PTPN13: variants seen among roughly 807,000 people sequenced by gnomAD.
The protein encoded by PTPN13 is tyrosine-protein phosphatase non-receptor type 13.
In PTPN13, 191 loss-of-function variants were observed where a neutral mutation model predicts 284.0. The ratio of observed to expected loss-of-function variants is 0.67; its 90% CI spans 0.60 to 0.76. The LOEUF (loss-of-function observed/expected upper bound fraction) is 0.76, where lower values mean the gene tolerates loss of function less well. Among genes scored for constraint, PTPN13 ranks in the 30% least tolerant of loss-of-function variants. PTPN13 has a pLI of 0.00. For synonymous variants in PTPN13, 986 were observed against 1,022.3 expected (o/e 0.96, Z 0.68); for missense variants, 2,797 against 2,939.9 (o/e 0.95, Z 1.12).
At chr4:86,645,086 G>T (rs1367079930) in intron 2 of PTPN13, among the ~76,000 whole-genome samples, 12 of 151,988 alleles carry the variant, frequency 7.9e-5, no homozygotes, top group Admixed American at 7.2e-4. Context: ...ACATATACCT[G>T]TAGTCCCAGC....
intron 18 of PTPN13, 69 bp from the exon 19 acceptor site, chr4:86,750,958 A>T: frequency 1.3e-6 from 2 of 1,562,582 alleles, no homozygotes; most frequent in Non-Finnish European, 1.7e-6. Flanking sequence ...TTTTGTTATG[A>T]CATTTTATTA....
intron 2 of PTPN13, among the ~76,000 whole-genome samples, chr4:86,644,020 T>C (rs1246350250): frequency 6.6e-6 from 1 of 152,158 alleles, no homozygotes; most frequent in Admixed American, 6.5e-5. Flanking sequence ...ATGAACAAAG[T>C]TGTTGAAGTA....
intron 1 of PTPN13, among the ~76,000 whole-genome samples, chr4:86,619,770 T>A (rs1308200109): frequency 6.6e-6 from 1 of 151,952 alleles, no homozygotes; most frequent in Non-Finnish European, 1.5e-5. Flanking sequence ...TTTTCTTTTT[T>A]TTTTTCCCCC....
chr4:86,790,667 G>C (rs1339120547), intron 40 of PTPN13, among the ~76,000 whole-genome samples: 8 of 152,146 alleles, frequency 5.3e-5, no homozygotes, highest in Admixed American at 5.2e-4. Context: ...GAAGGGCTTT[G>C]TGGTAGGAAG....
At chr4:86,766,347 C>T in intron 26 of PTPN13, 85 bp from the exon 27 acceptor site, 2 of 1,126,066 alleles carry the variant, frequency 1.8e-6, no homozygotes, top group Non-Finnish European at 2.5e-6. Context: ...AGTCCCTCCT[C>T]AAACAAATGA....
intron 3 of PTPN13, among the ~76,000 whole-genome samples, chr4:86,683,015 G>A (rs529044893): frequency 1.3e-5 from 2 of 152,132 alleles, no homozygotes; most frequent in African/African-American, 2.4e-5. Context: ...TACTAAAAGT[G>A]TGGAACCCAT....
intron 20 of PTPN13, among the ~76,000 whole-genome samples, chr4:86,757,044 G>T (rs903425213): frequency 2.0e-5 from 3 of 152,138 alleles, no homozygotes; most frequent in African/African-American, 7.2e-5. Flanking sequence ...AGACCAATTT[G>T]AACTGTCATT....
chr4:86,765,222 T>TA (rs1351725771), intron 25 of PTPN13, among the ~76,000 whole-genome samples, 173 bp from the exon 26 acceptor site: 1 of 152,220 alleles, frequency 6.6e-6, no homozygotes, highest in Non-Finnish European at 1.5e-5. Context: ...ATTTTTGAAT[T>TA]ATACTGATGA....
rs1179504915 is a variant in PTPN13, at chr4:86,660,567, G to T, written c.116-11798G>T. On this transcript the variant is annotated intron_variant, in intron 2 of 47. Transcript: ENST00000411767. Reference sequence around the variant, plus strand: ...TAGCCATAATTTTGTTGATTAAGAGGGTGTATTAGTTGTCTTTGACATGCT... The same window carrying T: ...TAGCCATAATTTTGTTGATTAAGAGTGTGTATTAGTTGTCTTTGACATGCT... Among the ~76,000 whole-genome samples the T allele has an allele frequency of 4.6e-5, 7 of 151,968 alleles. No individual in the cohort carries two copies. The East Asian group carries it at 1.2e-3, about 25-fold the overall frequency.
chr4:86,628,818 CA>C (rs1319460214), intron 1 of PTPN13, among the ~76,000 whole-genome samples: 4 of 149,014 alleles, frequency 2.7e-5, no homozygotes, highest in Non-Finnish European at 5.9e-5. Context: ...CATGTCCCTA[CA>C]AAGGACATGA....
At position 86,732,577 on chromosome 4, in the gene PTPN13, T is replaced by C. The variant is rs1208454786; in HGVS notation, c.1684-15T>C. On this transcript the variant is annotated splice_polypyrimidine_tract_variant and intron_variant, in intron 11 of 47. Transcript: ENST00000411767. ...TGCTTATTTTAATAAATGCCGTTTATTTTTTCAATTGTAGACTAAGAAAGG... is the reference window on the plus strand; with the variant it reads ...TGCTTATTTTAATAAATGCCGTTTACTTTTTCAATTGTAGACTAAGAAAGG... 1.2e-6 allele frequency: 2 copies of C among 1,605,082 alleles called. No homozygotes were observed. Among genetic ancestry groups the C allele is most frequent in the Non-Finnish European group, 1.7e-6 (2 of 1,174,744 alleles).
chr4:86,738,890 A>G (rs939546177), intron 15 of PTPN13, among the ~76,000 whole-genome samples: 2 of 152,156 alleles, frequency 1.3e-5, no homozygotes, highest in African/African-American at 4.8e-5. Context: ...CATGATGGCC[A>G]GGCTGGTCTC....
chr4:86,775,485 A>G lies in PTPN13; in HGVS notation c.5724A>G (p.Val1908=), dbSNP rs2149287667. Residue 1908 remains valine, a synonymous_variant, in exon 35 of 48, where the codon GTA becomes GTG. Transcript: ENST00000411767. ...CGGHDSLYQV[V]YISDINPRSV... is the part of the protein sequence containing the mutation. ...GTCATGACAGCCTTTATCAAGTGGT[A>G]TATATTAGTGATATTAATCCAAGGT... is the stretch of plus-strand genomic sequence containing the variant. The G allele has an allele frequency of 3.7e-6, 6 of 1,609,682 alleles. No individual in the cohort carries two copies. The highest frequency in any genetic ancestry group is 5.1e-6 in the Non-Finnish European group (6 of 1,176,062).
At chr4:86,689,275 G>A in intron 5 of PTPN13, 85 bp downstream of exon 5, 1 of 1,107,454 alleles carries the variant, frequency 9.0e-7, no homozygotes, top group Non-Finnish European at 1.3e-6. Flanking sequence ...TACTATATAG[G>A]TAGCATTTTC....
At chr4:86,680,116 C>A (rs561192108) in intron 3 of PTPN13, among the ~76,000 whole-genome samples, 2 of 152,150 alleles carry the variant, frequency 1.3e-5, no homozygotes, top group South Asian at 4.1e-4. Flanking sequence ...TGGGACAGTA[C>A]CCAGCATGTA....
chr4:86,763,047 G>A lies in PTPN13; in HGVS notation c.3874G>A (p.Glu1292Lys), dbSNP rs199909155. 2.5e-5 allele frequency: 41 copies of A among 1,613,646 alleles called. No individual in the cohort carries two copies. The highest frequency in any genetic ancestry group is 1.8e-4 in the South Asian group (16 of 91,058). The change falls in exon 24 of 48, where the codon GAG becomes AAG. Residue 1292 changes from glutamate (E) to lysine (K), a missense_variant. Physicochemically the swap from Glu to Lys is moderately conservative, Grantham distance 56. Coordinates refer to ENST00000411767, the MANE Select transcript of PTPN13 (RefSeq NM_080683.3). ...CCCATCTGTAATATCCAAAGCCACCGAGAAAGAGACTTTCACTGATAGTAA... is the reference window on the plus strand; with the variant it reads ...CCCATCTGTAATATCCAAAGCCACCAAGAAAGAGACTTTCACTGATAGTAA... ...PSPSVISKAT[E>K]KETFTDSNQS...
At position 86,737,237 on chromosome 4, in the gene PTPN13, CAAATA is replaced by C. The variant is rs200892673; in HGVS notation, c.2304+1507_2304+1511del. Among the ~76,000 whole-genome samples, 6 of 148,042 alleles carry C rather than the reference CAAATA, an allele frequency of 4.1e-5. No homozygotes were observed. The South Asian group carries it at 1.3e-3, about 32-fold the overall frequency. ...TAAGTAACAGAACAAGACCCCATCTCAAATAAAATAAAATAAAATATAAAATAAAA... is the reference window on the plus strand; with the variant it reads ...TAAGTAACAGAACAAGACCCCATCTCAAATAAAATAAAATATAAAATAAAA... On this transcript the variant is annotated intron_variant, in intron 15 of 47. Coordinates refer to ENST00000411767, the MANE Select transcript of PTPN13 (RefSeq NM_080683.3).
At chr4:86,785,456 A>C (rs1741791120) in intron 39 of PTPN13, 88 bp downstream of exon 39, 10 of 1,146,534 alleles carry the variant, frequency 8.7e-6, no homozygotes, top group African/African-American at 1.6e-5. Flanking sequence ...GTAATGCATT[A>C]GTTCTTCTTC....
intron 2 of PTPN13, among the ~76,000 whole-genome samples, chr4:86,671,308 C>T (rs1430775911): frequency 2.0e-5 from 3 of 152,100 alleles, no homozygotes; most frequent in Non-Finnish European, 4.4e-5. Context: ...TTTCCATGAA[C>T]TTCTGTCAAT....
Sources: gnomAD v4.1 joint callset for allele counts (sites outside exome capture counted in the v4.1 genomes callset) on GRCh38, gnomAD v4.1.1 for gene constraint, MANE v1.5 for transcripts, NCBI Gene and HGNC (gene_info 2026-07-23, HGNC 2026-07-21) for gene names.